The following NGEF variants were observed in gnomAD, a reference collection of about 807,000 sequenced individuals.
The protein encoded by NGEF is neuronal guanine nucleotide exchange factor, also known as ephexin-1.
In NGEF, 31 loss-of-function variants were observed where a neutral mutation model predicts 80.9. That is an observed-to-expected ratio of 0.38 (90% CI 0.29 to 0.52). The LOEUF is 0.52. NGEF is among the 20% of genes least tolerant of loss of function. The pLI, the probability that NGEF is intolerant of heterozygous loss-of-function variation, is 0.84. For synonymous variants in NGEF, 371 were observed against 370.2 expected (o/e 1.00, Z -0.03); for missense variants, 709 against 926.2 (o/e 0.77, Z 3.04).
chr2:232,988,237 C>G lies in NGEF; in HGVS notation c.-74-13273G>C, dbSNP rs74400322. On this transcript the variant is annotated intron_variant, in intron 1 of 14. Transcript: ENST00000264051. ...GTGGCTCCAGGCCAGCTCCTTGCCA[C>G]TCCCCAAACTGTCTGCAAGAAGAGC... Among the ~76,000 whole-genome samples the G allele has an allele frequency of 2.3e-3, 346 of 152,272 alleles. 1 individual carries two copies. The highest frequency in any genetic ancestry group is 7.8e-3 in the African/African-American group (324 of 41,560).
intron 1 of NGEF, among the ~76,000 whole-genome samples, chr2:232,986,341 C>A (rs1344526904): frequency 1.3e-5 from 2 of 152,070 alleles, no homozygotes; most frequent in Non-Finnish European, 2.9e-5. Context: ...ACCATGTGAC[C>A]CAGCAACCCC....
intron 5 of NGEF, among the ~76,000 whole-genome samples, chr2:232,907,179 G>GAAAAA (rs1455116424): frequency 3.9e-5 from 1 of 25,496 alleles, no homozygotes; most frequent in Non-Finnish European, 8.2e-5. Flanking sequence ...AAAAAGAAAA[G>GAAAAA]AAAAAAAAGA....
rs764595850 is a variant in NGEF at position 232,970,171 on chromosome 2, A to T, written c.383+43T>A. On this transcript the variant is annotated intron_variant, in intron 3 of 14. Coordinates refer to ENST00000264051, the MANE Select transcript of NGEF (RefSeq NM_019850.3). The stretch of plus-strand genomic sequence containing the variant: ...TCTTTGCAGCAATGACCTCTGATGC[A>T]TCTTTCCCAGACCAGCATTCCTCAT... 11 of 1,201,844 alleles carry T rather than the reference A, an allele frequency of 9.2e-6. No individual in the cohort carries two copies. In the East Asian group the frequency reaches 2.7e-4, roughly 30 times the overall value. The allele number at this position is 1,201,844 out of a possible 1,614,324, so 74.4% of individuals were successfully genotyped here.
intron 1 of NGEF, among the ~76,000 whole-genome samples, chr2:232,983,858 G>A (rs1694485179): frequency 6.6e-6 from 1 of 152,198 alleles, no homozygotes; most frequent in Non-Finnish European, 1.5e-5. Flanking sequence ...ATTAAGGAAC[G>A]TTCTTAAGCC....
At chr2:232,977,829 C>A (rs1259257961) in intron 1 of NGEF, among the ~76,000 whole-genome samples, 2 of 152,076 alleles carry the variant, frequency 1.3e-5, no homozygotes, top group African/African-American at 4.8e-5. Context: ...CAGGTGAGTA[C>A]CTGGACAGGT....
intron 5 of NGEF, among the ~76,000 whole-genome samples, chr2:232,919,347 G>T (rs942764310): frequency 1.3e-5 from 2 of 152,210 alleles, no homozygotes; most frequent in African/African-American, 2.4e-5. Context: ...ACAAGCGCGA[G>T]GAATGCAGGT....
chr2:232,961,562 T>C (rs1290275040), intron 3 of NGEF, among the ~76,000 whole-genome samples: 1 of 152,094 alleles, frequency 6.6e-6, no homozygotes, highest in Non-Finnish European at 1.5e-5. Context: ...GCGCGATCTC[T>C]GCTCACTGCA....
At chr2:232,931,664 A>T (rs1369221630) in intron 3 of NGEF, among the ~76,000 whole-genome samples, 1 of 152,224 alleles carries the variant, frequency 6.6e-6, no homozygotes, top group East Asian at 1.9e-4. Context: ...AAAGCCAAGA[A>T]TAGAGGTGAG....
At chr2:233,007,964 A>T (rs1448283713) in intron 1 of NGEF, among the ~76,000 whole-genome samples, 1 of 152,242 alleles carries the variant, frequency 6.6e-6, no homozygotes, top group Admixed American at 6.5e-5. Context: ...GGAACTTGGC[A>T]GAAAGGAAGG....
At chr2:232,976,290 G>T (rs1310442680) in intron 1 of NGEF, among the ~76,000 whole-genome samples, 3 of 152,128 alleles carry the variant, frequency 2.0e-5, no homozygotes, top group African/African-American at 7.2e-5. Flanking sequence ...GTGTTTGTCT[G>T]TGTCTTCCTT....
At chr2:232,890,097 G>GC (rs1252369462) in intron 8 of NGEF, among the ~76,000 whole-genome samples, 831 of 124,742 alleles carry the variant, frequency 6.7e-3, no homozygotes, top group East Asian at 0.024. Context: ...GCCTCACTGG[G>GC]TTGTCAGGCA....
chr2:233,008,313 G>A (rs1157803524), intron 1 of NGEF, among the ~76,000 whole-genome samples: 1 of 152,160 alleles, frequency 6.6e-6, no homozygotes, highest in African/African-American at 2.4e-5. Flanking sequence ...CTTGGGAGAG[G>A]AGCAGGCAGT....
intron 1 of NGEF, among the ~76,000 whole-genome samples, chr2:232,976,407 C>T (rs901778537): frequency 9.9e-5 from 15 of 152,190 alleles, no homozygotes; most frequent in African/African-American, 2.7e-4. Context: ...TTCTTCTACA[C>T]CCACCAGCCA....
At chr2:232,922,355 G>C (rs2106278565) in intron 4 of NGEF, among the ~76,000 whole-genome samples, 1 of 152,270 alleles carries the variant, frequency 6.6e-6, no homozygotes, top group Non-Finnish European at 1.5e-5. Context: ...TAAATGACTT[G>C]GTTTCCATGC....
intron 5 of NGEF, among the ~76,000 whole-genome samples, chr2:232,914,932 G>A (rs1475731662): frequency 4.0e-5 from 6 of 150,980 alleles, no homozygotes; most frequent in South Asian, 4.2e-4. Flanking sequence ...CCGAAGAATC[G>A]CTTGAGCCTG....
rs145293950 is a variant in NGEF at position 232,968,048 on chromosome 2, T to C, written c.383+2166A>G. Among the ~76,000 whole-genome samples, 662 of 151,454 alleles carry C rather than the reference T, an allele frequency of 4.4e-3. 3 individuals carry two copies. Among genetic ancestry groups the C allele is most frequent in the African/African-American group, 0.015 (625 of 41,192 alleles). On this transcript the variant is annotated intron_variant, in intron 3 of 14. Transcript: ENST00000264051. The stretch of plus-strand genomic sequence containing the variant: ...TTCCCTGTATCCACTGTCCCCTTCT[T>C]CCTCACTGATGGAACCCATTTGCTG...
In NGEF at chr2:232,881,132, T is replaced by G; in HGVS notation, c.1942+14A>C. On this transcript the variant is annotated intron_variant, in intron 14 of 14. Coordinates refer to ENST00000264051, the MANE Select transcript of NGEF (RefSeq NM_019850.3). ...TTCCCCTGGGGGCCCCGAGGGGAGG[T>G]CCCTGGGCCTCACCGTCGTCAGTCT... 1 of 1,607,920 alleles carries G rather than the reference T, an allele frequency of 6.2e-7. No individual in the cohort carries two copies. The highest frequency in any genetic ancestry group is 8.5e-7 in the Non-Finnish European group (1 of 1,177,422).
At chr2:232,958,872 C>T (rs1574637283) in intron 3 of NGEF, among the ~76,000 whole-genome samples, 3 of 152,158 alleles carry the variant, frequency 2.0e-5, no homozygotes, top group East Asian at 1.9e-4. Flanking sequence ...TTCTTCTCCA[C>T]TCCCACCCAC....
chr2:232,943,610 C>T (rs1458238695), intron 3 of NGEF, among the ~76,000 whole-genome samples: 3 of 151,758 alleles, frequency 2.0e-5, no homozygotes, highest in East Asian at 2.0e-4. Context: ...ATTCTCCTGC[C>T]TCAGCCTCCC....
Sources: allele counts gnomAD v4.1 joint callset (sites outside exome capture counted in the v4.1 genomes callset), GRCh38; gene constraint gnomAD v4.1.1; transcripts MANE v1.5; gene names NCBI Gene and HGNC (gene_info 2026-07-23, HGNC 2026-07-21).